Variants in TP63 observed in about 807,000 individuals in gnomAD.
The protein encoded by TP63 is tumor protein p63.
Under a neutral mutation model 82.8 loss-of-function variants are expected in TP63, and 17 were observed. The ratio of observed to expected loss-of-function variants is 0.21; its 90% CI spans 0.14 to 0.31. TP63 has a LOEUF of 0.31. TP63 is among the 10% of genes least tolerant of loss of function. The pLI is 1.00. For synonymous variants in TP63, 330 were observed against 321.7 expected (o/e 1.03, Z -0.28); for missense variants, 648 against 895.3 (o/e 0.72, Z 3.52).
intron 4 of TP63, among the ~76,000 whole-genome samples, chr3:189,809,501 T>C (rs1280367626): frequency 6.7e-6 from 1 of 150,070 alleles, no homozygotes; most frequent in African/African-American, 2.5e-5. Context: ...CAAAGTGGTA[T>C]GTTTGTCAAA....
At chr3:189,719,349 A>T (rs186442015) in intron 1 of TP63, among the ~76,000 whole-genome samples, 2 of 152,302 alleles carry the variant, frequency 1.3e-5, no homozygotes, top group Non-Finnish European at 2.9e-5. Flanking sequence ...TGCAGAGTCC[A>T]TGATGCTCAG....
intron 1 of TP63, among the ~76,000 whole-genome samples, chr3:189,726,019 C>T (rs1239030976): frequency 6.7e-6 from 1 of 149,842 alleles, no homozygotes; most frequent in Non-Finnish European, 1.5e-5. Flanking sequence ...CATGCCATTG[C>T]ACTCCAGCCT....
intron 4 of TP63, among the ~76,000 whole-genome samples, chr3:189,816,580 T>A (rs1728208299): frequency 6.6e-6 from 1 of 152,222 alleles, no homozygotes. Flanking sequence ...GCAATTGGTA[T>A]GTCTAGTCAG....
At position 189,873,109 on chromosome 3, in the gene TP63, A is replaced by G. The variant is rs139239488; in HGVS notation, c.1349+114A>G. On this transcript the variant is annotated intron_variant, in intron 10 of 13. Transcript: ENST00000264731. ...ACATAATGGGAGATAGCAGATTGTC[A>G]TAGATTCAGATGACCTGGTATGGCA... 5.2e-6 allele frequency: 8 copies of G among 1,525,786 alleles called. No homozygotes were observed. In the African/African-American group the frequency reaches 9.6e-5, roughly 18 times the overall value. The allele number at this position is 1,525,786 out of a possible 1,614,324, so 94.5% of individuals were successfully genotyped here. A position where few individuals can be genotyped will look rare whatever the true frequency, so the allele number is the denominator to read the frequency against.
intron 4 of TP63, among the ~76,000 whole-genome samples, chr3:189,832,403 G>C (rs2108711298): frequency 6.6e-6 from 1 of 152,266 alleles, no homozygotes; most frequent in Non-Finnish European, 1.5e-5. Flanking sequence ...ACATTAGTTG[G>C]TTATATTACC....
chr3:189,875,609 T>TATATATATATATATATACACACAC (rs1719011185), intron 10 of TP63, among the ~76,000 whole-genome samples: 1 of 62,986 alleles, frequency 1.6e-5, no homozygotes, highest in Non-Finnish European at 3.6e-5. Flanking sequence ...TATATATATA[T>TATATATATATATATATACACACAC]ATATATATAT....
At chr3:189,754,179 G>GT (rs796181245) in intron 3 of TP63, among the ~76,000 whole-genome samples, 4 of 152,048 alleles carry the variant, frequency 2.6e-5, no homozygotes, top group African/African-American at 9.7e-5. Flanking sequence ...TATCAGATGA[G>GT]TTTTTTCTAA....
chr3:189,861,079 G>T (rs562912076), intron 4 of TP63, among the ~76,000 whole-genome samples: 54 of 151,482 alleles, frequency 3.6e-4, no homozygotes, highest in Admixed American at 1.1e-3. Flanking sequence ...GGTTTTTGTG[G>T]TTTTTTTTCG....
chr3:189,742,147 G>A (rs1488432836), intron 3 of TP63, among the ~76,000 whole-genome samples: 1 of 150,388 alleles, frequency 6.6e-6, no homozygotes. Context: ...GGAGGCTGAG[G>A]CAGGAGAATC....
intron 1 of TP63, among the ~76,000 whole-genome samples, chr3:189,700,521 C>A (rs1422917417): frequency 6.6e-6 from 1 of 152,096 alleles, no homozygotes; most frequent in Non-Finnish European, 1.5e-5. Context: ...ATGGTAATTT[C>A]CTAGTTGCAG....
intron 1 of TP63, among the ~76,000 whole-genome samples, chr3:189,710,458 A>T (rs1487310645): frequency 6.6e-6 from 1 of 152,064 alleles, no homozygotes; most frequent in African/African-American, 2.4e-5. Context: ...TTTAATTAAA[A>T]TACTTAATTT....
chr3:189,651,723 G>A (rs1712907263), intron 1 of TP63, among the ~76,000 whole-genome samples: 1 of 146,344 alleles, frequency 6.8e-6, no homozygotes. Flanking sequence ...TGCATCATGG[G>A]CTGGGAGGCC....
intron 1 of TP63, among the ~76,000 whole-genome samples, chr3:189,666,930 A>G (rs1714438018): frequency 1.3e-5 from 2 of 151,864 alleles, no homozygotes; most frequent in Non-Finnish European, 2.9e-5. Context: ...AGGAACTTAT[A>G]CTTGTGACCA....
chr3:189,880,200 G>A, intron 10 of TP63: 36 of 1,609,004 alleles, frequency 2.2e-5, no homozygotes, highest in Non-Finnish European at 3.1e-5. Context: ...TATATTTTAA[G>A]TGTGTGTGTT....
the TP63 span, among the ~76,000 whole-genome samples, chr3:189,616,399 C>T: frequency 6.6e-6 from 1 of 152,130 alleles, no homozygotes; most frequent in Admixed American, 6.6e-5. Context: ...TTTCTAACAC[C>T]CTCTTATTGA....
intron 3 of TP63, among the ~76,000 whole-genome samples, chr3:189,807,726 G>A (rs982427080): frequency 2.0e-5 from 3 of 152,102 alleles, no homozygotes; most frequent in Non-Finnish European, 4.4e-5. Flanking sequence ...CAGTCCTTAG[G>A]GGGCTGGGTG....
intron 1 of TP63, among the ~76,000 whole-genome samples, chr3:189,653,032 A>C (rs1172746071): frequency 8.3e-6 from 1 of 121,006 alleles, no homozygotes; most frequent in Non-Finnish European, 1.7e-5. Context: ...TAATATAATC[A>C]GCATGTTCTT....
chr3:189,740,736 G>A (rs909884415), intron 3 of TP63, among the ~76,000 whole-genome samples: 1 of 152,270 alleles, frequency 6.6e-6, no homozygotes, highest in Admixed American at 6.5e-5. Flanking sequence ...CTGACCTCAG[G>A]TGATCCACTC....
intron 10 of TP63, among the ~76,000 whole-genome samples, chr3:189,875,613 T>TATATATATATATATACACACAC (rs1553859704): frequency 4.7e-5 from 5 of 105,494 alleles, no homozygotes; most frequent in Non-Finnish European, 7.7e-5. Context: ...TATATATATA[T>TATATATATATATATACACACAC]ATATATATAT....
Sources: allele counts gnomAD v4.1 joint callset (sites outside exome capture counted in the v4.1 genomes callset), GRCh38; gene constraint gnomAD v4.1.1; transcripts MANE v1.5; gene names NCBI Gene and HGNC (gene_info 2026-07-23, HGNC 2026-07-21).